Variants in TACR3 observed in about 807,000 individuals in gnomAD.
TACR3 encodes the protein tachykinin receptor 3.
Under a neutral mutation model 35.0 loss-of-function variants are expected in TACR3, and 34 were observed. That is an observed-to-expected ratio of 0.97 (90% CI 0.74 to 1.30). The LOEUF is 1.30. TACR3 is among the 50% of genes most tolerant of loss of function. The pLI is 0.00. For synonymous variants in TACR3, 233 were observed against 221.1 expected (o/e 1.05, Z -0.48); for missense variants, 558 against 591.7 (o/e 0.94, Z 0.59).
intron 1 of TACR3, among the ~76,000 whole-genome samples, chr4:103,705,206 C>A (rs1479570461): frequency 1.3e-5 from 2 of 151,846 alleles, no homozygotes; most frequent in South Asian, 4.2e-4. Flanking sequence ...CAATTTATAT[C>A]CAAATGTTAG....
rs1402033066 is a variant in TACR3 at position 103,588,616 on chromosome 4, A to G, written c.*1066T>C. Reference sequence around the variant, plus strand: ...GCTCAGCTGTTATTAGTTTACATGTATCCAAACTATTGTGCAGATTCGTTT... The same window carrying G: ...GCTCAGCTGTTATTAGTTTACATGTGTCCAAACTATTGTGCAGATTCGTTT... On this transcript the variant is annotated 3_prime_UTR_variant, in exon 5 of 5. Coordinates refer to ENST00000304883, the MANE Select transcript of TACR3 (RefSeq NM_001059.3). The G allele has an allele frequency of 1.3e-5, 2 of 152,102 alleles. No individual in the cohort carries two copies. Among genetic ancestry groups the G allele is most frequent in the Non-Finnish European group, 2.9e-5 (2 of 67,970 alleles). 9.4% of individuals were successfully genotyped at this position (152,102 alleles called of 1,614,324 possible).
Position 103,643,429 on chromosome 4 carries a change from A to AAG in TACR3, c.888+12763_888+12764dup, listed in dbSNP as rs138415563. Among the ~76,000 whole-genome samples, 491 of 148,736 alleles carry AAG rather than the reference A, an allele frequency of 3.3e-3. 3 individuals are homozygous for AAG. The highest frequency in any genetic ancestry group is 0.01 in the Admixed American group (154 of 14,824). On this transcript the variant is annotated intron_variant, in intron 3 of 4. Transcript: ENST00000304883. ...ACAGAGTGAGACATTGTCTAAAAAA[A>AAG]AGAGAGAGAGAGAGAGAGAGAGAGA...
chr4:103,603,378 T>C (rs1030300977), intron 3 of TACR3, among the ~76,000 whole-genome samples: 3 of 152,254 alleles, frequency 2.0e-5, no homozygotes, highest in African/African-American at 7.2e-5. Flanking sequence ...CTTTGGCTCG[T>C]GCACGGTGCG....
rs185374174 is a variant in TACR3, at chr4:103,594,020, C to T, written c.889-2337G>A. Among the ~76,000 whole-genome samples the T allele has an allele frequency of 2.9e-3, 435 of 152,142 alleles. 2 individuals are homozygous for T. Among genetic ancestry groups the T allele is most frequent in the African/African-American group, 0.01 (416 of 41,534 alleles). ...CTATAAAACAAAAGAAACTGAAAGA[C>T]GCAGACAGTTAAGTAATGTCTAAGA... On this transcript the variant is annotated intron_variant, in intron 3 of 4. Transcript: ENST00000304883.
In TACR3 at chr4:103,629,866, A is replaced by C. The variant is rs887364036; in HGVS notation, c.888+26328T>G. On this transcript the variant is annotated intron_variant, in intron 3 of 4. Transcript: ENST00000304883. ...TAAGCAAAACAAAAAAAAAACAAAA[A>C]AAAAACAAAAAAAACAACAACAACA... 1.4e-3 allele frequency among the ~76,000 whole-genome samples: 192 copies of C among 137,382 alleles called. 1 individual carries two copies. Among genetic ancestry groups the C allele is most frequent in the Middle Eastern group, 3.9e-3 (1 of 256 alleles). The allele number at this position is 137,382 out of a possible 152,430, so 90.1% of individuals were successfully genotyped here.
intron 1 of TACR3, among the ~76,000 whole-genome samples, chr4:103,705,107 A>G (rs186297843): frequency 3.3e-5 from 5 of 152,218 alleles, no homozygotes; most frequent in African/African-American, 1.2e-4. Flanking sequence ...TTAAAAATCT[A>G]TTATTATTTC....
chr4:103,687,601 T>C (rs916033114), intron 1 of TACR3, among the ~76,000 whole-genome samples: 35 of 151,804 alleles, frequency 2.3e-4, no homozygotes, highest in African/African-American at 7.0e-4. Context: ...TATACACCAA[T>C]AACAGACAAA....
At position 103,586,426 on chromosome 4, in the gene TACR3, T is replaced by G. The variant is rs1304558995; in HGVS notation, c.*3256A>C. 1 of 152,072 alleles carries G rather than the reference T, an allele frequency of 6.6e-6. No individual in the cohort carries two copies. The highest frequency in any genetic ancestry group is 1.5e-5 in the Non-Finnish European group (1 of 67,984). 9.4% of individuals were successfully genotyped at this position (152,072 alleles called of 1,614,324 possible). A position where few individuals can be genotyped will look rare whatever the true frequency, so the allele number is the denominator to read the frequency against. ...TAGAAGTGTGAGAAATGTTTGTAAG[T>G]CTCCTGCTTTTCTATTTGATGAAAT... is the stretch of plus-strand genomic sequence containing the variant. On this transcript the variant is annotated 3_prime_UTR_variant, in exon 5 of 5. Transcript: ENST00000304883.
intron 3 of TACR3, among the ~76,000 whole-genome samples, chr4:103,652,071 T>C (rs916167956): frequency 1.3e-5 from 2 of 152,046 alleles, no homozygotes; most frequent in African/African-American, 4.8e-5. Flanking sequence ...AGGTGGTACA[T>C]GCACCCCCTT....
intron 1 of TACR3, among the ~76,000 whole-genome samples, chr4:103,686,103 T>G (rs750673818): frequency 1.3e-5 from 2 of 152,176 alleles, no homozygotes; most frequent in African/African-American, 2.4e-5. Flanking sequence ...TTTAACAGGA[T>G]GATTCAGGGG....
chr4:103,594,409 C>T (rs1439194765), intron 3 of TACR3, among the ~76,000 whole-genome samples: 1 of 152,090 alleles, frequency 6.6e-6, no homozygotes, highest in African/African-American at 2.4e-5. Flanking sequence ...AACTCCTGAC[C>T]TTGTAGATCC....
chr4:103,689,313 G>A (rs1361880010), intron 1 of TACR3, among the ~76,000 whole-genome samples: 1 of 151,612 alleles, frequency 6.6e-6, no homozygotes, highest in Non-Finnish European at 1.5e-5. Flanking sequence ...TGACGAGTTA[G>A]TGGGTGCAGC....
rs375894718 is a variant in TACR3 at position 103,589,649 on chromosome 4, T to C, written c.*33A>G. On this transcript the variant is annotated 3_prime_UTR_variant, in exon 5 of 5. Transcript: ENST00000304883. ...GGGTCCTAGACTGGCACCATGATGG[T>C]CTCACACTAATCTTTTACCTCAGGA... 2.5e-6 allele frequency: 4 copies of C among 1,612,052 alleles called. No individual in the cohort carries two copies. Among genetic ancestry groups the C allele is most frequent in the Non-Finnish European group, 3.4e-6 (4 of 1,178,504 alleles).
At chr4:103,639,462 G>T (rs1725295171) in intron 3 of TACR3, among the ~76,000 whole-genome samples, 1 of 151,812 alleles carries the variant, frequency 6.6e-6, no homozygotes, top group South Asian at 2.1e-4. Context: ...GAGGGGGGAG[G>T]GATAGCATTG....
intron 3 of TACR3, among the ~76,000 whole-genome samples, chr4:103,631,514 C>G (rs768490078): frequency 1.3e-5 from 2 of 152,076 alleles, no homozygotes; most frequent in Non-Finnish European, 2.9e-5. Flanking sequence ...AAGTTTAATT[C>G]ATTTAGCAGT....
chr4:103,677,912 G>C (rs1292193781), intron 1 of TACR3, among the ~76,000 whole-genome samples: 1 of 150,320 alleles, frequency 6.7e-6, no homozygotes, highest in African/African-American at 2.5e-5. Context: ...TTCTTAGGTA[G>C]TTGTGAGTGG....
At chr4:103,665,264 T>C (rs1054660708) in intron 1 of TACR3, among the ~76,000 whole-genome samples, 4 of 152,016 alleles carry the variant, frequency 2.6e-5, no homozygotes, top group Non-Finnish European at 5.9e-5. Context: ...ACTATTCATA[T>C]ATGTATATAT....
At chr4:103,639,087 T>A (rs1417953891) in intron 3 of TACR3, among the ~76,000 whole-genome samples, 8 of 152,122 alleles carry the variant, frequency 5.3e-5, no homozygotes, top group Non-Finnish European at 7.3e-5. Flanking sequence ...ATCCCATTAC[T>A]GGGTATATAC....
chr4:103,680,552 T>C (rs1300816071), intron 1 of TACR3, among the ~76,000 whole-genome samples: 2 of 149,836 alleles, frequency 1.3e-5, no homozygotes, highest in Non-Finnish European at 3.0e-5. Context: ...TATACACATA[T>C]ATATATCACT....
Sources: allele counts gnomAD v4.1 joint callset (sites outside exome capture counted in the v4.1 genomes callset), GRCh38; gene constraint gnomAD v4.1.1; transcripts MANE v1.5; gene names NCBI Gene and HGNC (gene_info 2026-07-23, HGNC 2026-07-21).